The following PCDHGA11 variants were observed in gnomAD, a reference collection of about 807,000 sequenced individuals.
PCDHGA11 encodes protocadherin gamma-A11.
Under a neutral mutation model 60.4 loss-of-function variants are expected in PCDHGA11, and 39 were observed. That is an observed-to-expected ratio of 0.65 (90% CI 0.50 to 0.84). The LOEUF (loss-of-function observed/expected upper bound fraction) is 0.84. Among genes scored for constraint, PCDHGA11 ranks in the 40% least tolerant of loss-of-function variants. PCDHGA11 has a pLI of 0.00. For synonymous variants in PCDHGA11, 533 were observed against 510.3 expected (o/e 1.04, Z -0.60); for missense variants, 1,165 against 1,197.7 (o/e 0.97, Z 0.40).
At chr5:141,502,781 C>G (rs1360359268) in intron 2 of PCDHGA11, among the ~76,000 whole-genome samples, 2 of 151,658 alleles carry the variant, frequency 1.3e-5, no homozygotes, top group Non-Finnish European at 2.9e-5. Flanking sequence ...TGAAAATTAC[C>G]TGGATGATTT....
In PCDHGA11 at chr5:141,491,638, G is replaced by A. The variant is rs2099723160; in HGVS notation, c.2434-3169G>A. The A allele has an allele frequency of 6.2e-7, 1 of 1,613,898 alleles. No individual in the cohort carries two copies. The highest frequency in any genetic ancestry group is 1.3e-5 in the African/African-American group (1 of 75,074). ...ACCCCTCAGCGTTCAGCAGCCCACA[G>A]CTCTGGCGCTGGAGCCTGACGCCAT... On this transcript the variant is annotated intron_variant, in intron 1 of 3. Coordinates refer to ENST00000398587, the MANE Select transcript of PCDHGA11 (RefSeq NM_018914.3). The surrounding 1 kb of genome is among the most constrained non-coding windows in gnomAD (Gnocchi z 6.9).
chr5:141,467,781 C>G (rs2099151581), intron 1 of PCDHGA11, among the ~76,000 whole-genome samples: 1 of 152,228 alleles, frequency 6.6e-6, no homozygotes, highest in East Asian at 1.9e-4. Context: ...ACCTCAGCCT[C>G]TCAAGTAGCT....
chr5:141,491,414 G>C lies in PCDHGA11; in HGVS notation c.2434-3393G>C, dbSNP rs137987971. 35 of 1,614,008 alleles carry C rather than the reference G, an allele frequency of 2.2e-5. No homozygotes were observed. Among genetic ancestry groups the C allele is most frequent in the African/African-American group, 1.3e-4 (10 of 74,910 alleles). On this transcript the variant is annotated intron_variant, in intron 1 of 3. Coordinates refer to ENST00000398587, the MANE Select transcript of PCDHGA11 (RefSeq NM_018914.3). The surrounding 1 kb of genome is among the most constrained non-coding windows in gnomAD (Gnocchi z 6.9). ...CTTCAGGGAAACGCAGACGGGGACG[G>C]GGGTGGAGGGCAGTGCTGCAGGCGC...
rs1554116833 is a variant in PCDHGA11, at chr5:141,423,756, G to GGT, written c.2433+97_2433+98insTG. 2.2e-4 allele frequency: 100 copies of GGT among 448,536 alleles called. 2 individuals carry two copies. The highest frequency in any genetic ancestry group is 2.1e-3 in the African/African-American group (74 of 35,668). The allele number at this position is 448,536 out of a possible 1,614,324, so 27.8% of individuals were successfully genotyped here. On this transcript the variant is annotated intron_variant, in intron 1 of 3. Coordinates refer to ENST00000398587, the MANE Select transcript of PCDHGA11 (RefSeq NM_018914.3). ...GCCTGTTATGAAAACTGTTTGGGGG[G>GGT]GGGGTGGGGCGGCATATATTTAGTT...
At chr5:141,460,965 G>A (rs1398642676) in intron 1 of PCDHGA11, among the ~76,000 whole-genome samples, 21 of 114,476 alleles carry the variant, frequency 1.8e-4, no homozygotes, top group African/African-American at 8.5e-4. Flanking sequence ...ATATATATGT[G>A]TGTGTGTGTG....
At position 141,489,635 on chromosome 5, in the gene PCDHGA11, G is replaced by A. The variant is rs1380466520; in HGVS notation, c.2434-5172G>A. On this transcript the variant is annotated intron_variant, in intron 1 of 3. Coordinates refer to ENST00000398587, the MANE Select transcript of PCDHGA11 (RefSeq NM_018914.3). The surrounding 1 kb of genome is among the most constrained non-coding windows in gnomAD (Gnocchi z 4.5). Reference sequence around the variant, plus strand: ...CTGGATCTCAATGACAACTCTCCTAGCTTTGCCACCCCTGAGCGAGAGATG... The same window carrying A: ...CTGGATCTCAATGACAACTCTCCTAACTTTGCCACCCCTGAGCGAGAGATG... 6.2e-7 allele frequency: 1 copy of A among 1,614,142 alleles called. No individual in the cohort carries two copies. The highest frequency in any genetic ancestry group is 8.5e-7 in the Non-Finnish European group (1 of 1,180,012).
chr5:141,476,309 A>G lies in PCDHGA11; in HGVS notation c.2434-18498A>G. ...GGATCTCGGTAGCCTCTCAGCCCGC[A>G]GGTTCCGGGTGGTGTCTGGAGCTAG... On this transcript the variant is annotated intron_variant, in intron 1 of 3. Transcript: ENST00000398587. The surrounding 1 kb of genome is among the most constrained non-coding windows in gnomAD (Gnocchi z 7.6). The G allele has an allele frequency of 6.2e-7, 1 of 1,613,966 alleles. No homozygotes were observed. Among genetic ancestry groups the G allele is most frequent in the Non-Finnish European group, 8.5e-7 (1 of 1,179,988 alleles).
chr5:141,481,362 A>G (rs2099536613), intron 1 of PCDHGA11, among the ~76,000 whole-genome samples: 1 of 152,252 alleles, frequency 6.6e-6, no homozygotes, highest in African/African-American at 2.4e-5. Context: ...CAGCTGTTCA[A>G]TAGATATTGG....
In PCDHGA11 at chr5:141,511,460, A is replaced by ACCC. The variant is rs1367357803; in HGVS notation, c.*289_*291dup. The ACCC allele has an allele frequency of 2.4e-4, 137 of 564,806 alleles. 1 individual carries two copies. In the Middle Eastern group the frequency reaches 2.7e-3, roughly 11 times the overall value. The allele number at this position is 564,806 out of a possible 1,614,324, so 35.0% of individuals were successfully genotyped here. A position where few individuals can be genotyped will look rare whatever the true frequency, so the allele number is the denominator to read the frequency against. ...GTAGACACCAAGAACCATTTGCCAC[A>ACCC]CCCCGTTTAGTTACAGCTGAACTCC... On this transcript the variant is annotated 3_prime_UTR_variant, in exon 4 of 4. Transcript: ENST00000398587.
chr5:141,501,328 CACA>C (rs2099808027), intron 2 of PCDHGA11, among the ~76,000 whole-genome samples: 1 of 151,710 alleles, frequency 6.6e-6, no homozygotes, highest in Non-Finnish European at 1.5e-5. Context: ...CACACACACA[CACA>C]CACCCCAAAC....
Position 141,432,072 on chromosome 5 carries a change from T to C in PCDHGA11, c.2433+8412T>C, listed in dbSNP as rs1236871982. The C allele has an allele frequency of 6.2e-7, 1 of 1,614,178 alleles. No homozygotes were observed. The highest frequency in any genetic ancestry group is 8.5e-7 in the Non-Finnish European group (1 of 1,180,032). On this transcript the variant is annotated intron_variant, in intron 1 of 3. Coordinates refer to ENST00000398587, the MANE Select transcript of PCDHGA11 (RefSeq NM_018914.3). This position sits in a 1 kb window ranked among gnomAD's most constrained non-coding sequence, Gnocchi z 6.0. ...CCGCCCCTATCCACGGAAACTCATA[T>C]CTCGCTGAACGTGGCAGACACCAAC...
Position 141,491,329 on chromosome 5 carries a change from G to A in PCDHGA11, c.2434-3478G>A. The A allele has an allele frequency of 6.2e-7, 1 of 1,614,142 alleles. No individual in the cohort carries two copies. Among genetic ancestry groups the A allele is most frequent in the Non-Finnish European group, 8.5e-7 (1 of 1,180,022 alleles). On this transcript the variant is annotated intron_variant, in intron 1 of 3. Coordinates refer to ENST00000398587, the MANE Select transcript of PCDHGA11 (RefSeq NM_018914.3). The surrounding 1 kb of genome is among the most constrained non-coding windows in gnomAD (Gnocchi z 6.9). ...AGACCTTACCCTTTACCTCATTGTG[G>A]CTCTAGCGACCGTCAGTCTCTTATC...
chr5:141,428,188 G>A (rs1023078587), intron 1 of PCDHGA11: 3 of 1,433,350 alleles, frequency 2.1e-6, no homozygotes, highest in Admixed American at 1.8e-5. Flanking sequence ...GACAGCCGCC[G>A]CTCTCTGCGC....
At chr5:141,461,825 T>C (rs2099024418) in intron 1 of PCDHGA11, among the ~76,000 whole-genome samples, 1 of 151,778 alleles carries the variant, frequency 6.6e-6, no homozygotes, top group African/African-American at 2.4e-5. Context: ...AGCTAATTTT[T>C]TTTTCTTTTT....
intron 2 of PCDHGA11, among the ~76,000 whole-genome samples, chr5:141,502,832 G>T (rs1266910323): frequency 6.6e-6 from 1 of 150,516 alleles, no homozygotes; most frequent in Non-Finnish European, 1.5e-5. Context: ...GGGGAAGCCT[G>T]GACTGGCTGA....
chr5:141,432,428 G>C lies in PCDHGA11; in HGVS notation c.2433+8768G>C. 6.2e-7 allele frequency: 1 copy of C among 1,614,232 alleles called. No homozygotes were observed. On this transcript the variant is annotated intron_variant, in intron 1 of 3. Coordinates refer to ENST00000398587, the MANE Select transcript of PCDHGA11 (RefSeq NM_018914.3). The surrounding 1 kb of genome is among the most constrained non-coding windows in gnomAD (Gnocchi z 6.0). ...GAGCCTGTTCGTGCTGGACCAGAAC[G>C]ACAATGCGCCCGAGATCCTGTACCC...
chr5:141,474,403 C>G (rs553745731), intron 1 of PCDHGA11, among the ~76,000 whole-genome samples: 6 of 152,166 alleles, frequency 3.9e-5, no homozygotes, highest in Non-Finnish European at 5.9e-5. Context: ...ACAAGCTCCC[C>G]GGTGATGCCT....
Position 141,512,106 on chromosome 5 carries a change from T to A in PCDHGA11, c.*933T>A, listed in dbSNP as rs2099884076. 6.6e-6 allele frequency: 1 copy of A among 152,630 alleles called. No homozygotes were observed. Among genetic ancestry groups the A allele is most frequent in the Non-Finnish European group, 1.5e-5 (1 of 68,060 alleles). 9.5% of individuals were successfully genotyped at this position (152,630 alleles called of 1,614,324 possible). On this transcript the variant is annotated 3_prime_UTR_variant, in exon 4 of 4. Transcript: ENST00000398587. ...TAAACCAATAACTAGGCTGGACCCT[T>A]CCCACTACATAATAGGGCTCAGCCC...
intron 1 of PCDHGA11, among the ~76,000 whole-genome samples, chr5:141,426,030 G>A (rs966664613): frequency 1.3e-5 from 2 of 152,168 alleles, no homozygotes; most frequent in Admixed American, 6.5e-5. Context: ...AATAGACTCA[G>A]AGCCCTGCTG....
Sources: gnomAD v4.1 joint callset for allele counts (sites outside exome capture counted in the v4.1 genomes callset) on GRCh38, gnomAD v4.1.1 for gene constraint, Gnocchi (gnomAD v3.1) non-coding constraint, MANE v1.5 for transcripts, NCBI Gene and HGNC (gene_info 2026-07-23, HGNC 2026-07-21) for gene names.